Variants in BTD observed in about 807,000 individuals in gnomAD.
The protein encoded by BTD is biotinidase.
BTD carries 13 observed loss-of-function variants against 17.7 expected under a neutral mutation model. The ratio of observed to expected loss-of-function variants is 0.74; its 90% CI spans 0.48 to 1.17. The LOEUF is 1.17. Ranked by LOEUF, BTD falls within the 50% of genes most tolerant of loss-of-function variation. The probability of loss-of-function intolerance (pLI) is 0.00; values close to 1 mark genes in which losing one functional copy is unlikely to be tolerated. For missense variants in BTD, 674 were observed against 650.4 expected, an observed-to-expected ratio of 1.04 and a Z score of -0.39; for synonymous variants, 240 against 245.2, an observed-to-expected ratio of 0.98 and a Z score of 0.20.
chr3:15,685,194 C>T (rs560743178), intron 3 of BTD: 1 of 1,603,628 alleles, frequency 6.2e-7, no homozygotes, highest in Non-Finnish European at 8.5e-7. Context: ...GTTCACTACA[C>T]AATGATATGC....
rs2065701406 is a variant in BTD, at chr3:15,646,644, T to TAGTA, written c.*1156_*1157insAGTA. The TAGTA allele has an allele frequency of 6.6e-6, 1 of 152,252 alleles. No individual in the cohort carries two copies. The highest frequency in any genetic ancestry group is 1.5e-5 in the Non-Finnish European group (1 of 68,044). 9.4% of individuals were successfully genotyped at this position (152,252 alleles called of 1,614,324 possible). A position where few individuals can be genotyped will look rare whatever the true frequency, so the allele number is the denominator to read the frequency against. ...CATTTAAAAAAGGATTTTGACTGCA[T>TAGTA]GCCTAGTAGCTGTTTCAGATCATTT... is the stretch of plus-strand genomic sequence containing the variant. On this transcript the variant is annotated 3_prime_UTR_variant, in exon 4 of 4. Coordinates refer to ENST00000643237, the MANE Select transcript of BTD (RefSeq NM_001370658.1).
chr3:15,625,483 C>G (rs1261151250), intron 1 of BTD, among the ~76,000 whole-genome samples: 2 of 152,196 alleles, frequency 1.3e-5, no homozygotes, highest in South Asian at 2.1e-4. Flanking sequence ...GTAAAACCTA[C>G]AAAAGTGCGG....
chr3:15,667,464 T>TTA (rs2066040241), intron 3 of BTD: 1 of 152,238 alleles, frequency 6.6e-6, no homozygotes, highest in South Asian at 2.1e-4. Context: ...ATCTTTTATG[T>TTA]ATAAGTTAAA....
intron 1 of BTD, among the ~76,000 whole-genome samples, chr3:15,625,082 C>T (rs902606976): frequency 2.6e-5 from 4 of 152,112 alleles, no homozygotes; most frequent in African/African-American, 9.7e-5. Flanking sequence ...TTTTAGTATA[C>T]CTTGTAATTT....
intron 3 of BTD, among the ~76,000 whole-genome samples, chr3:15,703,644 A>G (rs919139461): frequency 1.3e-5 from 2 of 152,208 alleles, no homozygotes; most frequent in Non-Finnish European, 2.9e-5. Context: ...TCTGTTGTTT[A>G]TAAGCCACCC....
At chr3:15,620,844 A>G (rs2064932681) in intron 1 of BTD, among the ~76,000 whole-genome samples, 1 of 152,226 alleles carries the variant, frequency 6.6e-6, no homozygotes, top group South Asian at 2.1e-4. Context: ...GAGATATACG[A>G]AAGAGATTTA....
intron 3 of BTD, among the ~76,000 whole-genome samples, chr3:15,702,441 T>G (rs1355404649): frequency 6.6e-6 from 1 of 152,202 alleles, no homozygotes; most frequent in Non-Finnish European, 1.5e-5. Flanking sequence ...GAAATGAAGA[T>G]TCTCCATAAT....
At chr3:15,674,199 G>GAAT (rs1465227879) in intron 3 of BTD, among the ~76,000 whole-genome samples, 257 of 56,094 alleles carry the variant, frequency 4.6e-3, no homozygotes, top group African/African-American at 0.015. Context: ...AAAAAAAAAA[G>GAAT]AAGAAGAACC....
chr3:15,614,597 TC>T (rs1362374043), intron 1 of BTD, among the ~76,000 whole-genome samples: 3,115 of 145,166 alleles, frequency 0.021, 131 homozygotes, highest in African/African-American at 0.078. Context: ...AATATCTTTT[TC>T]TTTTTTTTTT....
chr3:15,664,669 C>T (rs535207343), intron 3 of BTD, among the ~76,000 whole-genome samples: 12 of 152,012 alleles, frequency 7.9e-5, no homozygotes, highest in African/African-American at 2.4e-4. Flanking sequence ...TTAGCAAAAG[C>T]TTTTTGACCA....
At chr3:15,718,020 T>G (rs2073273254) in intron 4 of BTD, among the ~76,000 whole-genome samples, 1 of 152,202 alleles carries the variant, frequency 6.6e-6, no homozygotes, top group African/African-American at 2.4e-5. Context: ...GTAAATCAAA[T>G]TTTTATAATA....
At chr3:15,637,288 G>C (rs1169463509) in intron 2 of BTD, among the ~76,000 whole-genome samples, 1 of 151,984 alleles carries the variant, frequency 6.6e-6, no homozygotes, top group East Asian at 1.9e-4. Context: ...TAAGGGCAGG[G>C]TAGAGAACTC....
At chr3:15,657,042 C>G (rs944050466), downstream of BTD, among the ~76,000 whole-genome samples, 1 of 152,190 alleles carries the variant, frequency 6.6e-6, no homozygotes, top group African/African-American at 2.4e-5. Flanking sequence ...AGCTGGAAGG[C>G]TCCTCTGGGC....
chr3:15,694,719 G>T (rs769951810), intron 3 of BTD: 1 of 1,607,500 alleles, frequency 6.2e-7, no homozygotes. Flanking sequence ...CATCAAGTCG[G>T]CTATGAAGGC....
chr3:15,655,958 A>C (rs1231745612), downstream of BTD, among the ~76,000 whole-genome samples: 2 of 151,914 alleles, frequency 1.3e-5, no homozygotes, highest in Admixed American at 6.6e-5. Context: ...TCCTGCCACC[A>C]TGTCTGGCTA....
chr3:15,668,457 C>T (rs2066091918), intron 3 of BTD: 1 of 151,544 alleles, frequency 6.6e-6, no homozygotes, highest in South Asian at 2.1e-4. Flanking sequence ...TTCATTATGA[C>T]TTCTTTATAT....
intron 1 of BTD, 47 bp downstream of exon 1, chr3:15,601,941 T>C: frequency 6.2e-7 from 1 of 1,610,428 alleles, no homozygotes; most frequent in Non-Finnish European, 8.5e-7. Context: ...GGTAAGGGCG[T>C]GCGGTCCAGA....
chr3:15,632,038 C>CTT (rs2065223693), intron 1 of BTD, among the ~76,000 whole-genome samples: 1 of 152,156 alleles, frequency 6.6e-6, no homozygotes, highest in Non-Finnish European at 1.5e-5. Flanking sequence ...CTGTTTCTTG[C>CTT]ACCCGCCCGT....
At chr3:15,612,866 G>C (rs937300592) in intron 1 of BTD, among the ~76,000 whole-genome samples, 3 of 152,176 alleles carry the variant, frequency 2.0e-5, no homozygotes, top group Admixed American at 1.3e-4. Context: ...CAGTGAAGTT[G>C]TCAGCTGACC....
Sources: allele counts gnomAD v4.1 joint callset (sites outside exome capture counted in the v4.1 genomes callset), GRCh38; gene constraint gnomAD v4.1.1; transcripts MANE v1.5; gene names NCBI Gene and HGNC (gene_info 2026-07-23, HGNC 2026-07-21).